NOS1AP: variants seen among roughly 807,000 people sequenced by gnomAD.
NOS1AP encodes the protein nitric oxide synthase 1 adaptor protein.
Under a neutral mutation model 56.2 loss-of-function variants are expected in NOS1AP, and 21 were observed. That is an observed-to-expected ratio of 0.37 (90% CI 0.26 to 0.54). The LOEUF (loss-of-function observed/expected upper bound fraction) is 0.54. NOS1AP is among the 20% of genes least tolerant of loss of function. NOS1AP has a pLI of 0.84. For synonymous variants in NOS1AP, 270 were observed against 274.6 expected (o/e 0.98, Z 0.17); for missense variants, 522 against 657.8 (o/e 0.79, Z 2.26).
intron 1 of NOS1AP, among the ~76,000 whole-genome samples, chr1:162,122,472 A>G (rs1648278967): frequency 6.6e-6 from 1 of 151,948 alleles, no homozygotes; most frequent in African/African-American, 2.4e-5. Context: ...AAATTAAAAA[A>G]TATATGAAAG....
At chr1:162,163,698 G>A (rs1291575003) in intron 2 of NOS1AP, among the ~76,000 whole-genome samples, 1 of 152,134 alleles carries the variant, frequency 6.6e-6, no homozygotes, top group African/African-American at 2.4e-5. Context: ...GCAGGAATGG[G>A]CTTCGCAGGT....
At chr1:162,234,455 G>A (rs1013803384) in intron 2 of NOS1AP, among the ~76,000 whole-genome samples, 1 of 152,042 alleles carries the variant, frequency 6.6e-6, no homozygotes, top group Non-Finnish European at 1.5e-5. Context: ...TTTTTCTCTT[G>A]GATGTCTCTT....
chr1:162,109,070 T>G (rs572482344), intron 1 of NOS1AP, among the ~76,000 whole-genome samples: 2 of 152,310 alleles, frequency 1.3e-5, no homozygotes, highest in Non-Finnish European at 2.9e-5. Flanking sequence ...GGAACTCCCA[T>G]TTATAAAACC....
At chr1:162,324,068 C>T (rs1195007854) in intron 4 of NOS1AP, among the ~76,000 whole-genome samples, 1 of 152,180 alleles carries the variant, frequency 6.6e-6, no homozygotes, top group Non-Finnish European at 1.5e-5. Flanking sequence ...CAGCATACAC[C>T]AGTCAAACTA....
In NOS1AP at chr1:162,333,136, G is replaced by A. The variant is rs371782203; in HGVS notation, c.453+11G>A. 46 of 1,582,282 alleles carry A rather than the reference G, an allele frequency of 2.9e-5. No homozygotes were observed. In the African/African-American group the frequency reaches 3.2e-4, roughly 11 times the overall value. On this transcript the variant is annotated intron_variant, in intron 5 of 9. Transcript: ENST00000361897. ...AAATCCAAGAAGAAGGTAAAGAGGC[G>A]GTTGCCGTCCATCTGCTATTTTCCT...
At position 162,320,570 on chromosome 1, in the gene NOS1AP, T is replaced by C. The variant is rs1437950999; in HGVS notation, c.345-12447T>C. 3.9e-5 allele frequency among the ~76,000 whole-genome samples: 6 copies of C among 152,142 alleles called. No individual in the cohort carries two copies. In the East Asian group the frequency reaches 5.8e-4, roughly 15 times the overall value. Reference sequence around the variant, plus strand: ...AAGATACAAGACTTTTAAAAAGTAATTGGAGCCGGGAGCGGTGGCTCACGC... The same window carrying C: ...AAGATACAAGACTTTTAAAAAGTAACTGGAGCCGGGAGCGGTGGCTCACGC... On this transcript the variant is annotated intron_variant, in intron 4 of 9. Transcript: ENST00000361897.
intron 1 of NOS1AP, among the ~76,000 whole-genome samples, chr1:162,142,406 G>A (rs1020405433): frequency 4.6e-5 from 7 of 152,066 alleles, no homozygotes; most frequent in Admixed American, 3.3e-4. Flanking sequence ...TTTGGTGTGC[G>A]TGTGTTTCTG....
At chr1:162,086,688 T>A (rs1692011103) in intron 1 of NOS1AP, among the ~76,000 whole-genome samples, 1 of 152,196 alleles carries the variant, frequency 6.6e-6, no homozygotes, top group South Asian at 2.1e-4. Context: ...GTGATTTTGC[T>A]TCCCCTGACC....
chr1:162,120,677 TG>T lies in NOS1AP; in HGVS notation c.106-33723del, dbSNP rs1455796321. Among the ~76,000 whole-genome samples the T allele has an allele frequency of 3.3e-5, 5 of 152,080 alleles. No homozygotes were observed. The South Asian group carries it at 1.0e-3, about 31-fold the overall frequency. On this transcript the variant is annotated intron_variant, in intron 1 of 9. Coordinates refer to ENST00000361897, the MANE Select transcript of NOS1AP (RefSeq NM_014697.3). The stretch of plus-strand genomic sequence containing the variant: ...CTTATTTACTACCATGAGAACAGTA[TG>T]GGGGAACCGCCCCCCCCATGATTCG...
chr1:162,269,941 A>T (rs1654535911), intron 2 of NOS1AP, among the ~76,000 whole-genome samples: 4 of 152,188 alleles, frequency 2.6e-5, no homozygotes, highest in Admixed American at 2.0e-4. Flanking sequence ...TGGTAGTCTA[A>T]GGGTGTTAAT....
chr1:162,364,729 A>T (rs1051172418), intron 8 of NOS1AP: 22 of 985,952 alleles, frequency 2.2e-5, no homozygotes, highest in African/African-American at 3.5e-5. Flanking sequence ...TGTGGTATGA[A>T]TCATGGTCCT....
chr1:162,342,038 G>A (rs145437435), intron 5 of NOS1AP, among the ~76,000 whole-genome samples: 3,563 of 152,270 alleles, frequency 0.023, 64 homozygotes, highest in Middle Eastern at 0.058. Flanking sequence ...CTTACACACT[G>A]CAAGCCTATG....
intron 2 of NOS1AP, among the ~76,000 whole-genome samples, chr1:162,187,574 C>CA: frequency 6.6e-6 from 1 of 152,302 alleles, no homozygotes; most frequent in East Asian, 1.9e-4. Context: ...CTTACATTGT[C>CA]AAATTGACTC....
At chr1:162,313,238 T>C (rs993541673) in intron 4 of NOS1AP, among the ~76,000 whole-genome samples, 3 of 152,186 alleles carry the variant, frequency 2.0e-5, no homozygotes, top group African/African-American at 7.2e-5. Flanking sequence ...AGTTTTTAGA[T>C]AAATATTCAG....
At chr1:162,332,004 T>C (rs1306969482) in intron 4 of NOS1AP, among the ~76,000 whole-genome samples, 1 of 152,216 alleles carries the variant, frequency 6.6e-6, no homozygotes, top group Non-Finnish European at 1.5e-5. Context: ...AGCCGATGGC[T>C]TCTCATCTCA....
At position 162,367,326 on chromosome 1, in the gene NOS1AP, A is replaced by G. The variant is rs1222779296; in HGVS notation, c.1380A>G (p.Ser460=). The change falls in exon 10 of 10, where the codon TCA becomes TCG. Residue 460 remains serine (S), a synonymous_variant. Coordinates refer to ENST00000361897, the MANE Select transcript of NOS1AP (RefSeq NM_014697.3). The surrounding 1 kb of genome is among the most constrained non-coding windows in gnomAD (Gnocchi z 6.5). ...GGLELIKFRE[S]GIASEYESNT... is the part of the protein sequence containing the mutation. ...TGGAGCTCATCAAGTTCCGAGAGTC[A>G]GGCATCGCCTCGGAGTACGAGTCCA... The G allele has an allele frequency of 2.5e-6, 4 of 1,613,244 alleles. No homozygotes were observed. The highest frequency in any genetic ancestry group is 3.4e-6 in the Non-Finnish European group (4 of 1,179,908).
At chr1:162,208,374 C>T (rs1247224224) in intron 2 of NOS1AP, among the ~76,000 whole-genome samples, 2 of 152,166 alleles carry the variant, frequency 1.3e-5, no homozygotes, top group South Asian at 2.1e-4. Context: ...ATGTCTTATT[C>T]ATCTTTAATT....
chr1:162,289,114 T>C (rs12030100), intron 3 of NOS1AP, among the ~76,000 whole-genome samples: 44,922 of 151,838 alleles, frequency 0.3, 7,102 homozygotes, highest in East Asian at 0.59. Context: ...CTCAGCAATC[T>C]GTGGCTGACA....
chr1:162,233,655 A>G (rs568251672), intron 2 of NOS1AP, among the ~76,000 whole-genome samples: 2 of 152,294 alleles, frequency 1.3e-5, no homozygotes, highest in East Asian at 3.9e-4. Context: ...ATGAACTTTT[A>G]TCATTTATTT....
Sources: allele counts gnomAD v4.1 joint callset (sites outside exome capture counted in the v4.1 genomes callset), GRCh38; gene constraint gnomAD v4.1.1; non-coding constraint Gnocchi (gnomAD v3.1); transcripts MANE v1.5; gene names NCBI Gene and HGNC (gene_info 2026-07-23, HGNC 2026-07-21).